Variants in GMDS observed in about 807,000 individuals in gnomAD.
The protein encoded by GMDS is GDP-mannose 4,6-dehydratase.
Under a neutral mutation model 49.9 loss-of-function variants are expected in GMDS, and 20 were observed. That is an observed-to-expected ratio of 0.40 (90% CI 0.28 to 0.58). The LOEUF is 0.58. GMDS is among the 20% of genes least tolerant of loss of function. GMDS has a pLI of 0.42. For synonymous variants in GMDS, 177 were observed against 178.6 expected, an observed-to-expected ratio of 0.99 and a Z score of 0.07; for missense variants, 362 against 481.4, an observed-to-expected ratio of 0.75 and a Z score of 2.32.
chr6:1,836,325 C>A lies in GMDS; in HGVS notation c.772-93739G>T, dbSNP rs868665897. ...TTTGAGGTATGAAAGCTAGTAGAGG[C>A]CAAATGAAATGCTCACAGATCGGCA... On this transcript the variant is annotated intron_variant, in intron 7 of 10. Transcript: ENST00000380815. The surrounding 1 kb of genome is among the most constrained non-coding windows in gnomAD (Gnocchi z 4.2). Among the ~76,000 whole-genome samples the A allele has an allele frequency of 1.8e-4, 27 of 152,242 alleles. No individual in the cohort carries two copies. Among genetic ancestry groups the A allele is most frequent in the Middle Eastern group, 6.8e-3 (2 of 294 alleles).
At chr6:2,225,245 G>A (rs537410339) in intron 1 of GMDS, among the ~76,000 whole-genome samples, 8 of 152,034 alleles carry the variant, frequency 5.3e-5, no homozygotes, top group African/African-American at 1.9e-4. Context: ...CAGAAGTATT[G>A]TCTGAGCTGG....
intron 4 of GMDS, among the ~76,000 whole-genome samples, chr6:2,030,061 G>C (rs887145794): frequency 6.6e-6 from 1 of 152,064 alleles, no homozygotes; most frequent in Non-Finnish European, 1.5e-5. Flanking sequence ...GGGCAGGTTG[G>C]AGGAGGAGGG....
intron 10 of GMDS, 93 bp from the exon 11 acceptor site, chr6:1,624,324 G>A: frequency 4.5e-6 from 6 of 1,331,510 alleles, no homozygotes; most frequent in Non-Finnish European, 5.3e-6. Context: ...AGGCCTCCGC[G>A]TCCCTCGTTC....
At chr6:2,132,496 C>T (rs1775791796) in intron 1 of GMDS, among the ~76,000 whole-genome samples, 2 of 152,158 alleles carry the variant, frequency 1.3e-5, no homozygotes, top group African/African-American at 2.4e-5. Context: ...ACACATCCAC[C>T]CACATGTGGA....
At chr6:1,624,443 G>T (rs778821858) in intron 10 of GMDS, 29 bp downstream of exon 10, 1 of 1,596,162 alleles carries the variant, frequency 6.3e-7, no homozygotes. Context: ...GCCCCGCAGC[G>T]GGCGGCGTGC....
chr6:1,759,607 G>C (rs538904726), intron 7 of GMDS, among the ~76,000 whole-genome samples: 1 of 152,352 alleles, frequency 6.6e-6, no homozygotes, highest in South Asian at 2.1e-4. Context: ...GCTGGGCACT[G>C]TGCTAGAGTC....
Position 2,244,215 on chromosome 6 carries a change from T to G in GMDS, c.102+1106A>C, listed in dbSNP as rs1781752461. ...TAGAGAACTTTGAGAGTGGTTTCAA[T>G]ACCAACTGGACACTTCCCAGCGGTT... On this transcript the variant is annotated intron_variant, in intron 1 of 10. Coordinates refer to ENST00000380815, the MANE Select transcript of GMDS (RefSeq NM_001500.4). 2.0e-5 allele frequency among the ~76,000 whole-genome samples: 3 copies of G among 152,068 alleles called. No individual in the cohort carries two copies. The South Asian group carries it at 6.2e-4, about 32-fold the overall frequency.
chr6:1,725,779 G>A (rs757014610), intron 9 of GMDS, among the ~76,000 whole-genome samples: 10 of 152,164 alleles, frequency 6.6e-5, no homozygotes, highest in Non-Finnish European at 1.5e-4. Flanking sequence ...TCACAATTTG[G>A]TAAAGAGAGA....
chr6:2,086,458 G>A (rs1434888154), intron 4 of GMDS, among the ~76,000 whole-genome samples: 1 of 152,104 alleles, frequency 6.6e-6, no homozygotes, highest in African/African-American at 2.4e-5. Flanking sequence ...ACCTTTCAAG[G>A]CACACTGGCC....
intron 9 of GMDS, among the ~76,000 whole-genome samples, chr6:1,661,958 TG>T (rs1764090409): frequency 6.6e-6 from 1 of 152,038 alleles, no homozygotes; most frequent in Non-Finnish European, 1.5e-5. Context: ...ACAGCTACAC[TG>T]GGGAGATGGA....
intron 7 of GMDS, among the ~76,000 whole-genome samples, chr6:1,878,198 C>A (rs1211089577): frequency 6.6e-6 from 1 of 151,598 alleles, no homozygotes; most frequent in Non-Finnish European, 1.5e-5. Context: ...ACCTGTAGTC[C>A]CAGCTACTTG....
intron 1 of GMDS, among the ~76,000 whole-genome samples, chr6:2,142,232 T>C (rs1713542907): frequency 6.6e-6 from 1 of 152,156 alleles, no homozygotes. Flanking sequence ...CAACAATACC[T>C]GGCAAAAGCG....
intron 7 of GMDS, among the ~76,000 whole-genome samples, chr6:1,860,781 C>T (rs1234177178): frequency 1.3e-5 from 2 of 152,110 alleles, no homozygotes; most frequent in Non-Finnish European, 2.9e-5. Context: ...AAGGCAAAAT[C>T]CAAGGGTACT....
intron 4 of GMDS, among the ~76,000 whole-genome samples, chr6:2,013,717 C>T (rs1264672991): frequency 6.6e-6 from 1 of 151,520 alleles, no homozygotes; most frequent in African/African-American, 2.4e-5. Context: ...AGATGCATCG[C>T]AAACTACAAT....
intron 1 of GMDS, among the ~76,000 whole-genome samples, chr6:2,184,702 T>A (rs578152827): frequency 4.9e-4 from 75 of 152,330 alleles, no homozygotes; most frequent in African/African-American, 1.7e-3. Context: ...CAATAAAAAA[T>A]TTTCTTTTAA....
At chr6:2,161,721 T>C (rs951869477) in intron 1 of GMDS, among the ~76,000 whole-genome samples, 2 of 152,176 alleles carry the variant, frequency 1.3e-5, no homozygotes, top group Non-Finnish European at 2.9e-5. Flanking sequence ...GTGAAAAAGA[T>C]AAGGGACCCA....
chr6:2,161,021 T>A (rs1581730724), intron 1 of GMDS, among the ~76,000 whole-genome samples: 1 of 152,324 alleles, frequency 6.6e-6, no homozygotes, highest in East Asian at 1.9e-4. Context: ...ATGTTAACTT[T>A]TTTTTTTTGA....
intron 9 of GMDS, among the ~76,000 whole-genome samples, chr6:1,636,936 G>A (rs1028057012): frequency 2.6e-5 from 4 of 152,222 alleles, no homozygotes; most frequent in African/African-American, 9.6e-5. Context: ...CGCTGGGACC[G>A]GAAGAACTCT....
chr6:2,007,988 C>T (rs1581506533), intron 4 of GMDS, among the ~76,000 whole-genome samples: 1 of 152,092 alleles, frequency 6.6e-6, no homozygotes, highest in South Asian at 2.1e-4. Context: ...TGCTTATCAC[C>T]ATGTATTACA....
Sources: gnomAD v4.1 joint callset for allele counts (sites outside exome capture counted in the v4.1 genomes callset) on GRCh38, gnomAD v4.1.1 for gene constraint, Gnocchi (gnomAD v3.1) non-coding constraint, MANE v1.5 for transcripts, NCBI Gene and HGNC (gene_info 2026-07-23, HGNC 2026-07-21) for gene names.